Variants in IGSF11 observed in about 807,000 individuals in gnomAD.
IGSF11 encodes the protein CXADR like 1.
IGSF11 carries 22 observed loss-of-function variants against 41.0 expected under a neutral mutation model. The observed-to-expected ratio is 0.54, with a 90% confidence interval of 0.38 to 0.77. The LOEUF is 0.77. IGSF11 is among the 30% of genes least tolerant of loss of function. The pLI, the probability that IGSF11 is intolerant of heterozygous loss-of-function variation, is 0.00. For missense variants in IGSF11, 444 were observed against 530.8 expected (o/e 0.84, Z 1.61); for synonymous variants, 219 against 201.3 (o/e 1.09, Z -0.74).
intron 1 of IGSF11, among the ~76,000 whole-genome samples, chr3:119,099,184 T>G: frequency 6.6e-6 from 1 of 152,238 alleles, no homozygotes; most frequent in East Asian, 1.9e-4. Context: ...ATCCCTCTGG[T>G]GTCTAACCTC....
At chr3:119,003,661 T>A (rs1317034667) in intron 1 of IGSF11, among the ~76,000 whole-genome samples, 2 of 151,910 alleles carry the variant, frequency 1.3e-5, no homozygotes, top group African/African-American at 4.9e-5. Flanking sequence ...TATTGAGAGT[T>A]TTTAGCATGA....
At chr3:119,073,439 A>G (rs1198179731) in intron 1 of IGSF11, among the ~76,000 whole-genome samples, 1 of 152,148 alleles carries the variant, frequency 6.6e-6, no homozygotes, top group African/African-American at 2.4e-5. Context: ...ACTGGATGCC[A>G]TGGTGCCATG....
chr3:119,047,920 G>T (rs991302151), intron 1 of IGSF11, among the ~76,000 whole-genome samples: 16 of 152,150 alleles, frequency 1.1e-4, no homozygotes, highest in African/African-American at 3.4e-4. Flanking sequence ...CGAAATGAAG[G>T]CAGAAATAAA....
intron 1 of IGSF11, among the ~76,000 whole-genome samples, chr3:118,975,086 T>C (rs1169414401): frequency 6.6e-6 from 1 of 152,218 alleles, no homozygotes; most frequent in African/African-American, 2.4e-5. Flanking sequence ...CTAATTGCTC[T>C]AATTACATGA....
upstream of IGSF11, among the ~76,000 whole-genome samples, chr3:119,109,909 T>A (rs1326137458): frequency 1.3e-5 from 2 of 152,148 alleles, no homozygotes; most frequent in Admixed American, 6.5e-5. Context: ...TTTGAGTGAG[T>A]TTCTTAATCC....
At chr3:119,078,539 T>C (rs926590127) in intron 1 of IGSF11, among the ~76,000 whole-genome samples, 5 of 152,168 alleles carry the variant, frequency 3.3e-5, no homozygotes, top group Non-Finnish European at 7.4e-5. Context: ...CTGGATGCAT[T>C]CCTTTCACCA....
At chr3:119,111,858 C>T (rs1352803657) in intron 1 of IGSF11, among the ~76,000 whole-genome samples, 1 of 152,238 alleles carries the variant, frequency 6.6e-6, no homozygotes, top group African/African-American at 2.4e-5. Context: ...GAGGTCCACT[C>T]CAGACCCTGT....
At chr3:118,981,646 T>C (rs1411246512) in intron 1 of IGSF11, 1 of 152,362 alleles carries the variant, frequency 6.6e-6, no homozygotes. Context: ...ACAGAGCCTA[T>C]TAGACTTGCT....
At chr3:119,112,556 C>T (rs927461270) in intron 1 of IGSF11, 8 of 152,588 alleles carry the variant, frequency 5.2e-5, no homozygotes, top group African/African-American at 1.9e-4. Context: ...CCGAGTGAGG[C>T]AATGCCTTGC....
intron 1 of IGSF11, among the ~76,000 whole-genome samples, chr3:119,027,148 G>A (rs1939904926): frequency 6.6e-6 from 1 of 152,064 alleles, no homozygotes; most frequent in Non-Finnish European, 1.5e-5. Flanking sequence ...AATGATCAAT[G>A]CATAGATTTA....
intron 1 of IGSF11, among the ~76,000 whole-genome samples, chr3:119,127,325 A>G (rs554914794): frequency 7.9e-6 from 1 of 127,154 alleles, no homozygotes. Context: ...GACAAGAATT[A>G]AAAAAAAAAA....
intron 1 of IGSF11, among the ~76,000 whole-genome samples, chr3:119,132,777 C>A (rs1285612997): frequency 6.6e-6 from 1 of 152,134 alleles, no homozygotes; most frequent in Non-Finnish European, 1.5e-5. Flanking sequence ...TTCTTCTCAG[C>A]ACATCACACT....
At chr3:119,027,619 T>C (rs1031627790) in intron 1 of IGSF11, among the ~76,000 whole-genome samples, 2 of 152,202 alleles carry the variant, frequency 1.3e-5, no homozygotes, top group Non-Finnish European at 2.9e-5. Flanking sequence ...CTAAACAGAT[T>C]AATAGATTCT....
chr3:119,107,596 A>G (rs1261079938), upstream of IGSF11, among the ~76,000 whole-genome samples: 2 of 151,854 alleles, frequency 1.3e-5, no homozygotes, highest in East Asian at 1.9e-4. Context: ...GTTTAATTAG[A>G]TCCCATTTGT....
chr3:118,989,747 G>C (rs565417767), intron 1 of IGSF11, among the ~76,000 whole-genome samples: 15 of 152,146 alleles, frequency 9.9e-5, no homozygotes, highest in Non-Finnish European at 1.9e-4. Context: ...CATTTTTCTA[G>C]TATTTCATTT....
rs183526633 is a variant in IGSF11, at chr3:119,025,332, G to A, written c.52+9199C>T. 1.2e-4 allele frequency among the ~76,000 whole-genome samples: 19 copies of A among 152,194 alleles called. No individual in the cohort carries two copies. In the East Asian group the frequency reaches 3.7e-3, roughly 29 times the overall value. Reference sequence around the variant, plus strand: ...TTCCCTCATTTTGCAAATGAAAGCAGGCCTGGAGAATTACATGATATGCCC... The same window carrying A: ...TTCCCTCATTTTGCAAATGAAAGCAAGCCTGGAGAATTACATGATATGCCC... On this transcript the variant is annotated intron_variant, in intron 1 of 6. Transcript: ENST00000393775.
intron 1 of IGSF11, among the ~76,000 whole-genome samples, chr3:118,959,447 T>A (rs149854628): frequency 2.4e-4 from 36 of 152,144 alleles, no homozygotes; most frequent in African/African-American, 8.0e-4. Flanking sequence ...GAAACTCCAA[T>A]AAATGCCTTA....
chr3:119,010,176 G>A (rs180828889), intron 1 of IGSF11, among the ~76,000 whole-genome samples: 4 of 152,286 alleles, frequency 2.6e-5, no homozygotes, highest in Admixed American at 1.3e-4. Context: ...GCAGAGCTGA[G>A]AAGATTCCCT....
At chr3:119,109,627 G>A (rs909465347), upstream of IGSF11, among the ~76,000 whole-genome samples, 17 of 152,088 alleles carry the variant, frequency 1.1e-4, no homozygotes, top group Non-Finnish European at 2.5e-4. Flanking sequence ...CTTGCCTTCT[G>A]CTAGCTTTTG....
Sources: allele counts gnomAD v4.1 joint callset (sites outside exome capture counted in the v4.1 genomes callset), GRCh38; gene constraint gnomAD v4.1.1; transcripts MANE v1.5; gene names NCBI Gene and HGNC (gene_info 2026-07-23, HGNC 2026-07-21).